The following NKAIN2 variants were observed in gnomAD, a reference collection of about 807,000 sequenced individuals.
NKAIN2 encodes the protein sodium/potassium-transporting ATPase subunit beta-1-interacting protein 2.
Under a neutral mutation model 32.6 loss-of-function variants are expected in NKAIN2, and 14 were observed. That is an observed-to-expected ratio of 0.43 (90% CI 0.28 to 0.67). The LOEUF is 0.67. Ranked by LOEUF, NKAIN2 falls within the 30% of genes least tolerant of loss-of-function variation. The pLI is 0.17. For synonymous variants in NKAIN2, 80 were observed against 87.2 expected, an observed-to-expected ratio of 0.92 and a Z score of 0.46; for missense variants, 198 against 258.3, an observed-to-expected ratio of 0.77 and a Z score of 1.60.
Position 124,409,574 on chromosome 6 carries a change from T to A in NKAIN2, c.273+54227T>A, listed in dbSNP as rs528952747. Among the ~76,000 whole-genome samples the A allele has an allele frequency of 7.1e-4, 108 of 152,308 alleles. No homozygotes were observed. The South Asian group carries it at 0.012, about 16-fold the overall frequency. On this transcript the variant is annotated intron_variant, in intron 3 of 6. Transcript: ENST00000368417. ...TGATCATGGTGGATAAGCTTTTTGA[T>A]GTGTTGCTGGATGCGGTTTGCCAGT... is the stretch of plus-strand genomic sequence containing the variant.
chr6:124,575,481 C>A (rs758387442), intron 3 of NKAIN2, among the ~76,000 whole-genome samples: 4 of 152,190 alleles, frequency 2.6e-5, no homozygotes, highest in Non-Finnish European at 4.4e-5. Flanking sequence ...CTGAAACCTC[C>A]TTACTTTTCA....
chr6:124,026,128 C>T (rs1781100368), intron 1 of NKAIN2, among the ~76,000 whole-genome samples: 1 of 152,162 alleles, frequency 6.6e-6, no homozygotes. Context: ...CCAGTTATTT[C>T]ATCAGACTTA....
chr6:124,197,001 A>G (rs1790347147), intron 1 of NKAIN2, among the ~76,000 whole-genome samples: 1 of 151,818 alleles, frequency 6.6e-6, no homozygotes. Flanking sequence ...AGTCTATATC[A>G]TTAGAGAAAG....
Position 124,589,700 on chromosome 6 carries a change from G to C in NKAIN2, c.274-68486G>C, listed in dbSNP as rs908725512. Among the ~76,000 whole-genome samples, 5 of 152,136 alleles carry C rather than the reference G, an allele frequency of 3.3e-5. No homozygotes were observed. The South Asian group carries it at 8.3e-4, about 25-fold the overall frequency. Reference sequence around the variant, plus strand: ...TTTTACTTTAAGTTCTGGGATACATGTGCAGAATGTGCAGGTCTGTTACAT... The same window carrying C: ...TTTTACTTTAAGTTCTGGGATACATCTGCAGAATGTGCAGGTCTGTTACAT... On this transcript the variant is annotated intron_variant, in intron 3 of 6. Transcript: ENST00000368417.
At chr6:124,079,001 G>A (rs1221992717) in intron 1 of NKAIN2, among the ~76,000 whole-genome samples, 1 of 151,500 alleles carries the variant, frequency 6.6e-6, no homozygotes, top group African/African-American at 2.4e-5. Context: ...TTACCTGTAT[G>A]TGTCTTTACT....
chr6:124,709,382 T>G (rs906529083), intron 4 of NKAIN2, among the ~76,000 whole-genome samples: 5 of 151,150 alleles, frequency 3.3e-5, no homozygotes, highest in Non-Finnish European at 7.4e-5. Context: ...TTTCCTCTTT[T>G]TCTATTGATT....
intron 3 of NKAIN2, among the ~76,000 whole-genome samples, chr6:124,542,723 A>G (rs1160782841): frequency 6.6e-6 from 1 of 152,206 alleles, no homozygotes; most frequent in Non-Finnish European, 1.5e-5. Flanking sequence ...TACAGACCCA[A>G]GATTCCATAT....
At chr6:124,503,654 C>A (rs1011720615) in intron 3 of NKAIN2, among the ~76,000 whole-genome samples, 1 of 152,044 alleles carries the variant, frequency 6.6e-6, no homozygotes, top group Non-Finnish European at 1.5e-5. Flanking sequence ...CTTCAATAGG[C>A]AGATATTTAC....
At chr6:124,515,544 G>C (rs746952618) in intron 3 of NKAIN2, among the ~76,000 whole-genome samples, 12 of 151,908 alleles carry the variant, frequency 7.9e-5, no homozygotes, top group Non-Finnish European at 1.6e-4. Flanking sequence ...ACACTCACCA[G>C]CTCCCCCCAG....
chr6:123,994,977 A>G (rs770369597), intron 1 of NKAIN2, among the ~76,000 whole-genome samples: 26 of 152,210 alleles, frequency 1.7e-4, no homozygotes, highest in Non-Finnish European at 3.2e-4. Context: ...AAAATCAAAC[A>G]TAATGAAAGA....
At chr6:124,179,721 G>A (rs1250570946) in intron 1 of NKAIN2, among the ~76,000 whole-genome samples, 2 of 152,096 alleles carry the variant, frequency 1.3e-5, no homozygotes, top group African/African-American at 2.4e-5. Context: ...ACTTTCTGAG[G>A]GGAAATGTAA....
chr6:124,546,940 G>C (rs1177726679), intron 3 of NKAIN2, among the ~76,000 whole-genome samples: 1 of 152,162 alleles, frequency 6.6e-6, no homozygotes, highest in Middle Eastern at 3.2e-3. Context: ...GATACGTTGA[G>C]CACTAAAGTT....
chr6:124,416,871 C>T (rs373269489), intron 3 of NKAIN2, among the ~76,000 whole-genome samples: 7 of 152,022 alleles, frequency 4.6e-5, no homozygotes, highest in African/African-American at 1.7e-4. Context: ...AAGGAACCCT[C>T]CCCTCTACAG....
chr6:123,955,922 C>T (rs571551638), intron 1 of NKAIN2, among the ~76,000 whole-genome samples: 7 of 152,204 alleles, frequency 4.6e-5, no homozygotes, highest in South Asian at 2.1e-4. Flanking sequence ...GCTACCATGC[C>T]GAGCTACATT....
chr6:124,565,549 C>G (rs1473211214), intron 3 of NKAIN2, among the ~76,000 whole-genome samples: 1 of 152,150 alleles, frequency 6.6e-6, no homozygotes, highest in Non-Finnish European at 1.5e-5. Flanking sequence ...GAGACGTAAT[C>G]TCCTCCTTTT....
chr6:124,708,969 G>A (rs1286755848), intron 4 of NKAIN2, among the ~76,000 whole-genome samples: 1 of 147,882 alleles, frequency 6.8e-6, no homozygotes, highest in Non-Finnish European at 1.5e-5. Flanking sequence ...GATATTGGCT[G>A]TGGGTTTGTC....
At chr6:124,090,160 G>T (rs368061991) in intron 1 of NKAIN2, among the ~76,000 whole-genome samples, 1 of 152,016 alleles carries the variant, frequency 6.6e-6, no homozygotes, top group Admixed American at 6.6e-5. Context: ...TTAAAAGGAT[G>T]TCATGTTTTA....
At chr6:124,341,626 C>G (rs1798119070) in intron 2 of NKAIN2, among the ~76,000 whole-genome samples, 1 of 152,066 alleles carries the variant, frequency 6.6e-6, no homozygotes, top group African/African-American at 2.4e-5. Flanking sequence ...GACAGCAGCA[C>G]TGATAAAAAA....
chr6:124,173,847 A>G (rs1265957721), intron 1 of NKAIN2, among the ~76,000 whole-genome samples: 1 of 152,048 alleles, frequency 6.6e-6, no homozygotes, highest in Non-Finnish European at 1.5e-5. Flanking sequence ...CTTATTCCTT[A>G]TTTCTTCAAA....
Sources: allele counts gnomAD v4.1 joint callset (sites outside exome capture counted in the v4.1 genomes callset), GRCh38; gene constraint gnomAD v4.1.1; transcripts MANE v1.5; gene names NCBI Gene and HGNC (gene_info 2026-07-23, HGNC 2026-07-21).